LYPD6: variants seen among roughly 807,000 people sequenced by gnomAD.
LYPD6 encodes the protein LY6/PLAUR domain containing 6, also known as ly6/PLAUR domain-containing protein 6.
A neutral mutation model predicts 22.7 loss-of-function variants in LYPD6; 15 were observed. That is an observed-to-expected ratio of 0.66 (90% CI 0.44 to 1.02). LYPD6 has a LOEUF of 1.02. Ranked by LOEUF, LYPD6 falls within the 50% of genes least tolerant of loss-of-function variation. The pLI is 0.00. For synonymous variants in LYPD6, 72 were observed against 77.5 expected (o/e 0.93, Z 0.37); for missense variants, 189 against 208.4 (o/e 0.91, Z 0.57).
At chr2:149,333,808 C>T (rs1680983044) in intron 1 of LYPD6, among the ~76,000 whole-genome samples, 1 of 152,104 alleles carries the variant, frequency 6.6e-6, no homozygotes, top group African/African-American at 2.4e-5. Context: ...AGGAACTGTT[C>T]AGAGTGCCTA....
intron 1 of LYPD6, among the ~76,000 whole-genome samples, chr2:149,433,375 A>G (rs1461974600): frequency 1.3e-5 from 2 of 152,228 alleles, no homozygotes; most frequent in Non-Finnish European, 2.9e-5. Context: ...CACACAGGAC[A>G]TGGCCTTGGA....
chr2:149,340,546 C>A (rs1382465506), intron 1 of LYPD6, among the ~76,000 whole-genome samples: 1 of 152,142 alleles, frequency 6.6e-6, no homozygotes, highest in African/African-American at 2.4e-5. Context: ...ACCTGTGTGA[C>A]CTTGGGCAAG....
chr2:149,428,687 A>G (rs1208348279), intron 1 of LYPD6, among the ~76,000 whole-genome samples: 2 of 152,226 alleles, frequency 1.3e-5, no homozygotes, highest in Admixed American at 6.5e-5. Flanking sequence ...AAACTCTTCA[A>G]TAGTTACACA....
chr2:149,335,380 C>T (rs1216122367), intron 1 of LYPD6, among the ~76,000 whole-genome samples: 1 of 151,940 alleles, frequency 6.6e-6, no homozygotes, highest in African/African-American at 2.4e-5. Context: ...AACATGTTTT[C>T]ATTTAATAGA....
intron 3 of LYPD6, among the ~76,000 whole-genome samples, chr2:149,454,108 C>G (rs1288426602): frequency 1.3e-5 from 2 of 152,204 alleles, no homozygotes; most frequent in Non-Finnish European, 2.9e-5. Context: ...GATCTCTCAT[C>G]ATATTATTGT....
At chr2:149,348,591 C>T (rs563719509) in intron 1 of LYPD6, among the ~76,000 whole-genome samples, 1 of 152,334 alleles carries the variant, frequency 6.6e-6, no homozygotes, top group Non-Finnish European at 1.5e-5. Context: ...GTAGAGCAAG[C>T]CAGGGGGAGT....
rs915408933 is a variant in LYPD6 at position 149,473,431 on chromosome 2, A to G, written c.*2581A>G. On this transcript the variant is annotated 3_prime_UTR_variant, in exon 5 of 5. Transcript: ENST00000334166. Reference sequence around the variant, plus strand: ...ACTGGTCAGCCACTCTGACTTTTCTACCACATTAAATTCTCCATTACATCT... The same window carrying G: ...ACTGGTCAGCCACTCTGACTTTTCTGCCACATTAAATTCTCCATTACATCT... 1 of 152,640 alleles carries G rather than the reference A, an allele frequency of 6.6e-6. No homozygotes were observed. Among genetic ancestry groups the G allele is most frequent in the Non-Finnish European group, 1.5e-5 (1 of 68,046 alleles). The allele number at this position is 152,640 out of a possible 1,614,324, so 9.5% of individuals were successfully genotyped here.
At chr2:149,456,003 G>A (rs1012496471) in intron 3 of LYPD6, among the ~76,000 whole-genome samples, 2 of 152,178 alleles carry the variant, frequency 1.3e-5, no homozygotes, top group Admixed American at 1.3e-4. Context: ...AGTTTGATGA[G>A]CATTTATTTG....
chr2:149,461,272 C>G (rs1681081672), intron 3 of LYPD6, among the ~76,000 whole-genome samples: 1 of 151,720 alleles, frequency 6.6e-6, no homozygotes, highest in Non-Finnish European at 1.5e-5. Context: ...ATAGTATGAA[C>G]AACTCAAAAA....
rs187262897 is a variant in LYPD6 at position 149,427,432 on chromosome 2, A to G, written c.-71-10206A>G. ...TAAAAAATGACAAGCTGTAACTGAA[A>G]TGTACCTAGTGTTCCATTCCTGCCT... On this transcript the variant is annotated intron_variant, in intron 1 of 4. Coordinates refer to ENST00000334166, the MANE Select transcript of LYPD6 (RefSeq NM_194317.5). 2.0e-5 allele frequency among the ~76,000 whole-genome samples: 3 copies of G among 152,326 alleles called. No homozygotes were observed. In the East Asian group the frequency reaches 5.8e-4, roughly 29 times the overall value.
chr2:149,461,323 A>G (rs1681083163), intron 3 of LYPD6, among the ~76,000 whole-genome samples: 1 of 151,972 alleles, frequency 6.6e-6, no homozygotes. Context: ...CATAACTCAA[A>G]AAACAAAGTA....
chr2:149,479,067 GTGAATTCAC>G (rs1681483122), downstream of LYPD6, among the ~76,000 whole-genome samples: 1 of 152,104 alleles, frequency 6.6e-6, no homozygotes, highest in Non-Finnish European at 1.5e-5. Context: ...AGGCCTCACA[GTGAATTCAC>G]TGAATTCACT....
At chr2:149,335,708 A>G (rs1419960166) in intron 1 of LYPD6, among the ~76,000 whole-genome samples, 2 of 152,204 alleles carry the variant, frequency 1.3e-5, no homozygotes, top group Non-Finnish European at 2.9e-5. Context: ...TGCAAGCTCC[A>G]TTCATGGTAC....
At chr2:149,379,669 A>G (rs1682016291) in intron 1 of LYPD6, among the ~76,000 whole-genome samples, 1 of 152,220 alleles carries the variant, frequency 6.6e-6, no homozygotes, top group Admixed American at 6.5e-5. Context: ...CATGTCAGCC[A>G]TGCTCCTTCA....
chr2:149,356,675 G>A (rs1249126560), intron 1 of LYPD6, among the ~76,000 whole-genome samples: 2 of 152,182 alleles, frequency 1.3e-5, no homozygotes, highest in African/African-American at 2.4e-5. Context: ...GCATGCAGGA[G>A]GAAGTGGCAA....
At chr2:149,459,817 G>A (rs535112766) in intron 3 of LYPD6, among the ~76,000 whole-genome samples, 4 of 151,722 alleles carry the variant, frequency 2.6e-5, no homozygotes, top group Non-Finnish European at 4.4e-5. Context: ...CAGGAGAATC[G>A]CTTGAATCTG....
At chr2:149,403,457 T>G (rs1411493959) in intron 1 of LYPD6, among the ~76,000 whole-genome samples, 19 of 149,590 alleles carry the variant, frequency 1.3e-4, no homozygotes, top group Admixed American at 2.0e-4. Context: ...ATTGTGGTTT[T>G]GATTTGCATT....
At position 149,455,861 on chromosome 2, in the gene LYPD6, C is replaced by T. The variant is rs564519342; in HGVS notation, c.217+6714C>T. Among the ~76,000 whole-genome samples the T allele has an allele frequency of 2.6e-5, 4 of 152,096 alleles. No homozygotes were observed. In the South Asian group the frequency reaches 8.3e-4, roughly 31 times the overall value. On this transcript the variant is annotated intron_variant, in intron 3 of 4. Coordinates refer to ENST00000334166, the MANE Select transcript of LYPD6 (RefSeq NM_194317.5). ...TCAGTGATTAGTTTTAAAAGAAGTT[C>T]CTCCAGTGAGAGGTTCATTAAGAAA...
intron 1 of LYPD6, among the ~76,000 whole-genome samples, chr2:149,364,037 G>A (rs968272309): frequency 2.6e-5 from 4 of 152,040 alleles, no homozygotes; most frequent in Non-Finnish European, 4.4e-5. Flanking sequence ...TCCTTAGCTA[G>A]TATTTTTATC....
Sources: allele counts gnomAD v4.1 joint callset (sites outside exome capture counted in the v4.1 genomes callset), GRCh38; gene constraint gnomAD v4.1.1; transcripts MANE v1.5; gene names NCBI Gene and HGNC (gene_info 2026-07-23, HGNC 2026-07-21).